Variants in PPM1L observed in about 807,000 individuals in gnomAD.
PPM1L encodes protein phosphatase, Mg2+/Mn2+ dependent 1L.
A neutral mutation model predicts 31.4 loss-of-function variants in PPM1L; 13 were observed. That is an observed-to-expected ratio of 0.41 (90% CI 0.27 to 0.66). The LOEUF (loss-of-function observed/expected upper bound fraction) is 0.66, where lower values mean the gene tolerates loss of function less well. Ranked by LOEUF, PPM1L falls within the 30% of genes least tolerant of loss-of-function variation. The pLI is 0.29. For synonymous variants in PPM1L, 184 were observed against 175.4 expected (o/e 1.05, Z -0.39); for missense variants, 326 against 453.7 (o/e 0.72, Z 2.56).
intron 1 of PPM1L, among the ~76,000 whole-genome samples, chr3:160,948,603 GA>G (rs1281663746): frequency 6.6e-6 from 1 of 152,146 alleles, no homozygotes; most frequent in African/African-American, 2.4e-5. Context: ...AAGCTGTTGG[GA>G]AAGGATTCCA....
chr3:160,971,340 C>A (rs1415399393), intron 2 of PPM1L, among the ~76,000 whole-genome samples: 4 of 152,214 alleles, frequency 2.6e-5, no homozygotes, highest in Admixed American at 1.3e-4. Context: ...ACTCTGTAAA[C>A]ACTGACTGAA....
chr3:160,866,300 T>G (rs534991545), intron 1 of PPM1L, among the ~76,000 whole-genome samples: 31 of 152,328 alleles, frequency 2.0e-4, no homozygotes, highest in Admixed American at 3.9e-4. Context: ...ACTTTATTCA[T>G]TTTATAAATT....
chr3:160,872,689 G>A (rs886553341), intron 1 of PPM1L, among the ~76,000 whole-genome samples: 3 of 152,172 alleles, frequency 2.0e-5, no homozygotes, highest in African/African-American at 7.2e-5. Flanking sequence ...CACTTTGGGA[G>A]GCTGAGGCGG....
At chr3:160,827,379 C>T (rs1713384956) in intron 1 of PPM1L, among the ~76,000 whole-genome samples, 1 of 151,834 alleles carries the variant, frequency 6.6e-6, no homozygotes, top group Non-Finnish European at 1.5e-5. Context: ...CTTCTCTTTT[C>T]CCCCTCTTGT....
chr3:160,937,636 C>A (rs1234207823), intron 1 of PPM1L, among the ~76,000 whole-genome samples: 1 of 151,838 alleles, frequency 6.6e-6, no homozygotes, highest in Non-Finnish European at 1.5e-5. Context: ...AAACAAAAAA[C>A]AAAAAACAAA....
intron 1 of PPM1L, among the ~76,000 whole-genome samples, chr3:160,858,337 C>G (rs1211194428): frequency 3.3e-5 from 5 of 152,118 alleles, no homozygotes; most frequent in Non-Finnish European, 7.4e-5. Context: ...AGAACCGCCT[C>G]CCAGATTCAA....
chr3:160,996,899 G>T (rs1012060251), intron 2 of PPM1L, among the ~76,000 whole-genome samples: 3 of 152,164 alleles, frequency 2.0e-5, no homozygotes, highest in African/African-American at 7.2e-5. Flanking sequence ...AAGATGGTTG[G>T]ATTTAACCAG....
chr3:160,901,508 C>T (rs1713541868), intron 1 of PPM1L, among the ~76,000 whole-genome samples: 1 of 152,154 alleles, frequency 6.6e-6, no homozygotes, highest in East Asian at 1.9e-4. Flanking sequence ...TCATATTGGT[C>T]TACTTGCTAT....
intron 1 of PPM1L, among the ~76,000 whole-genome samples, chr3:160,819,539 A>C (rs1234374903): frequency 6.6e-6 from 1 of 152,004 alleles, no homozygotes. Context: ...GCAAATAGTT[A>C]TCAATTACCT....
chr3:160,897,008 C>T (rs1208946222), intron 1 of PPM1L, among the ~76,000 whole-genome samples: 2 of 149,664 alleles, frequency 1.3e-5, no homozygotes, highest in Non-Finnish European at 3.0e-5. Flanking sequence ...AGTCTAGTCA[C>T]AGTCAGTGGC....
chr3:160,886,958 C>A (rs1457494042), intron 1 of PPM1L, among the ~76,000 whole-genome samples: 4 of 151,908 alleles, frequency 2.6e-5, no homozygotes. Flanking sequence ...AGCTAAGAAC[C>A]TTGATAAAAG....
chr3:160,901,906 G>GT (rs1713556774), intron 1 of PPM1L, among the ~76,000 whole-genome samples: 2 of 151,930 alleles, frequency 1.3e-5, no homozygotes, highest in Admixed American at 1.3e-4. Flanking sequence ...TTGTTTTTGC[G>GT]TAAGTTGGTC....
At chr3:160,984,198 G>T (rs1162821033) in intron 2 of PPM1L, among the ~76,000 whole-genome samples, 1 of 152,200 alleles carries the variant, frequency 6.6e-6, no homozygotes, top group African/African-American at 2.4e-5. Flanking sequence ...CATAAAGGCA[G>T]ACACTCCCAG....
intron 1 of PPM1L, among the ~76,000 whole-genome samples, chr3:160,944,364 G>T (rs1715255875): frequency 6.6e-6 from 1 of 151,676 alleles, no homozygotes; most frequent in Non-Finnish European, 1.5e-5. Flanking sequence ...ATTGCCAATT[G>T]CTCATTGTTT....
intron 2 of PPM1L, among the ~76,000 whole-genome samples, chr3:161,042,010 C>CCCCACCA (rs768555370): frequency 2.0e-5 from 3 of 152,018 alleles, no homozygotes; most frequent in African/African-American, 4.8e-5. Flanking sequence ...TTATTCAACT[C>CCCCACCA]CCCACCACCA....
intron 1 of PPM1L, among the ~76,000 whole-genome samples, chr3:160,836,051 A>G (rs1713705304): frequency 6.6e-6 from 1 of 152,058 alleles, no homozygotes; most frequent in South Asian, 2.1e-4. Flanking sequence ...GAGGATTGAA[A>G]TATCTTTTCA....
intron 1 of PPM1L, among the ~76,000 whole-genome samples, chr3:160,772,150 A>G (rs373909681): frequency 8.5e-5 from 13 of 152,174 alleles, no homozygotes; most frequent in African/African-American, 2.9e-4. Flanking sequence ...GTCATGGGGT[A>G]AAGAACTGGG....
Position 160,814,117 on chromosome 3 carries a change from G to A in PPM1L, c.399+57410G>A, listed in dbSNP as rs559954216. Among the ~76,000 whole-genome samples, 122 of 152,274 alleles carry A rather than the reference G, an allele frequency of 8.0e-4. 1 individual carries two copies. Among genetic ancestry groups the A allele is most frequent in the South Asian group, 1.2e-3 (6 of 4,810 alleles). The stretch of plus-strand genomic sequence containing the variant: ...TGTTGAGTTAAGAAAATATTTGGAA[G>A]GGGCTTACAACCTTTTATGGCCTAG... On this transcript the variant is annotated intron_variant, in intron 1 of 3. Transcript: ENST00000498165.
chr3:160,994,719 A>G (rs894657269), intron 2 of PPM1L, among the ~76,000 whole-genome samples: 4 of 152,212 alleles, frequency 2.6e-5, no homozygotes, highest in Non-Finnish European at 5.9e-5. Context: ...TCCTGTCATC[A>G]TGAGATTTCA....
Sources: gnomAD v4.1 joint callset for allele counts (sites outside exome capture counted in the v4.1 genomes callset) on GRCh38, gnomAD v4.1.1 for gene constraint, MANE v1.5 for transcripts, NCBI Gene and HGNC (gene_info 2026-07-23, HGNC 2026-07-21) for gene names.